Variants in EFNB2 observed in about 807,000 individuals in gnomAD.
EFNB2 encodes ephrin B2, also known as ephrin-B2.
In EFNB2, 5 loss-of-function variants were observed where a neutral mutation model predicts 32.1. The observed-to-expected ratio is 0.16, with a 90% CI of 0.08 to 0.33. The LOEUF (loss-of-function observed/expected upper bound fraction) is 0.33. Among genes scored for constraint, EFNB2 ranks in the 10% least tolerant of loss-of-function variants. The pLI, the probability that EFNB2 is intolerant of heterozygous loss-of-function variation, is 1.00. For missense variants in EFNB2, 263 were observed against 422.6 expected, an observed-to-expected ratio of 0.62 and a Z score of 3.31; for synonymous variants, 168 against 166.5, an observed-to-expected ratio of 1.01 and a Z score of -0.07.
At position 106,512,671 on chromosome 13, in the gene EFNB2, T is replaced by C; in HGVS notation, c.264A>G (p.Arg88=). Residue 88 remains arginine, a synonymous_variant, in exon 2 of 5, where the codon AGA becomes AGG. Coordinates refer to ENST00000646441, the MANE Select transcript of EFNB2 (RefSeq NM_004093.4). ...GGGTATTTTCCTTCTTAATAGTGCA[T>C]CTGTCTGCTTGGTCTTTATCAACCA... is the stretch of plus-strand genomic sequence containing the variant. ...VYMVDKDQAD[R]CTIKKENTPL... 6.2e-7 allele frequency: 1 copy of C among 1,613,940 alleles called. No individual in the cohort carries two copies. Among genetic ancestry groups the C allele is most frequent in the Non-Finnish European group, 8.5e-7 (1 of 1,179,942 alleles).
chr13:106,515,825 C>G (rs1428955040), intron 1 of EFNB2, among the ~76,000 whole-genome samples: 2 of 152,152 alleles, frequency 1.3e-5, no homozygotes, highest in Admixed American at 1.3e-4. Flanking sequence ...CCCGGGAACT[C>G]TCACACTTCC....
At chr13:106,505,067 G>T (rs1395534231) in intron 2 of EFNB2, among the ~76,000 whole-genome samples, 1 of 152,074 alleles carries the variant, frequency 6.6e-6, no homozygotes, top group Non-Finnish European at 1.5e-5. Flanking sequence ...GATTTTCTTA[G>T]TTCAACTTTG....
chr13:106,492,791 C>T lies in EFNB2; in HGVS notation c.*249G>A, dbSNP rs1181610469. The T allele has an allele frequency of 2.2e-6, 1 of 460,036 alleles. No homozygotes were observed. Among genetic ancestry groups the T allele is most frequent in the East Asian group, 3.3e-5 (1 of 29,926 alleles). The allele number at this position is 460,036 out of a possible 1,614,324, so 28.5% of individuals were successfully genotyped here. A position where few individuals can be genotyped will look rare whatever the true frequency, so the allele number is the denominator to read the frequency against. On this transcript the variant is annotated 3_prime_UTR_variant, in exon 5 of 5. Transcript: ENST00000646441. This position sits in a 1 kb window ranked among gnomAD's most constrained non-coding sequence, Gnocchi z 5.1. ...TTCGAGGAGGAGACGTGGGACGCGG[C>T]ACAGCAGTCCGAATGGGCGTCTTCT...
chr13:106,500,830 T>C (rs1313173199), intron 2 of EFNB2, among the ~76,000 whole-genome samples: 2 of 152,216 alleles, frequency 1.3e-5, no homozygotes, highest in Non-Finnish European at 2.9e-5. Flanking sequence ...AAGACTGTTA[T>C]CTTGGCAAAC....
intron 2 of EFNB2, among the ~76,000 whole-genome samples, chr13:106,499,437 A>G (rs545592547): frequency 2.0e-5 from 3 of 152,204 alleles, no homozygotes; most frequent in Non-Finnish European, 4.4e-5. Flanking sequence ...AATGCTTGGG[A>G]AAAAAAATCT....
intron 1 of EFNB2, among the ~76,000 whole-genome samples, chr13:106,513,130 T>C (rs1284199345): frequency 1.3e-5 from 2 of 152,204 alleles, no homozygotes; most frequent in Admixed American, 6.5e-5. Flanking sequence ...ACCATAACTC[T>C]TCCTCCGTGG....
At chr13:106,497,688 C>T (rs1878637587) in intron 2 of EFNB2, among the ~76,000 whole-genome samples, 1 of 152,090 alleles carries the variant, frequency 6.6e-6, no homozygotes, top group Admixed American at 6.6e-5. Flanking sequence ...TATCCCTCCC[C>T]CAGTCCCCCA....
At chr13:106,510,529 G>A (rs1222290507) in intron 2 of EFNB2, among the ~76,000 whole-genome samples, 2 of 152,164 alleles carry the variant, frequency 1.3e-5, no homozygotes, top group Non-Finnish European at 2.9e-5. Flanking sequence ...CTGCATCCAC[G>A]CATTAGGGAC....
intron 1 of EFNB2, among the ~76,000 whole-genome samples, chr13:106,532,482 G>A (rs1879909941): frequency 6.6e-6 from 1 of 151,998 alleles, no homozygotes; most frequent in Admixed American, 6.5e-5. Flanking sequence ...CTTTCCTCTG[G>A]AAATAAATAT....
chr13:106,509,744 A>C (rs989892468), intron 2 of EFNB2: 3 of 151,810 alleles, frequency 2.0e-5, no homozygotes, highest in Non-Finnish European at 2.9e-5. Context: ...ACTTATGCAG[A>C]AGCAATACAA....
intron 2 of EFNB2, among the ~76,000 whole-genome samples, chr13:106,501,196 G>A (rs1287140458): frequency 2.0e-5 from 3 of 151,986 alleles, no homozygotes; most frequent in Non-Finnish European, 4.4e-5. Context: ...TAACTTAGAA[G>A]AAAAGTTCTA....
chr13:106,502,099 G>GA (rs1878803183), intron 2 of EFNB2, among the ~76,000 whole-genome samples: 1 of 152,130 alleles, frequency 6.6e-6, no homozygotes, highest in African/African-American at 2.4e-5. Context: ...ATGATAGGAA[G>GA]AATCACTTGA....
At chr13:106,494,018 G>A (rs1035146127) in intron 4 of EFNB2, among the ~76,000 whole-genome samples, 9 of 152,190 alleles carry the variant, frequency 5.9e-5, no homozygotes, top group African/African-American at 1.9e-4. Context: ...CTCTCACACC[G>A]AACAGACTGC....
intron 1 of EFNB2, among the ~76,000 whole-genome samples, chr13:106,533,516 A>G (rs1879953565): frequency 6.6e-6 from 1 of 152,260 alleles, no homozygotes; most frequent in Non-Finnish European, 1.5e-5. Flanking sequence ...TTCTAGCATC[A>G]TACAAACATT....
At position 106,535,192 on chromosome 13, in the gene EFNB2, C is replaced by T; in HGVS notation, c.-228G>A. The T allele has an allele frequency of 5.4e-6, 1 of 186,762 alleles. No homozygotes were observed. Among genetic ancestry groups the T allele is most frequent in the Non-Finnish European group, 9.9e-6 (1 of 101,152 alleles). 11.6% of individuals were successfully genotyped at this position (186,762 alleles called of 1,614,324 possible). ...GCACGCGCGGGGCGCGGCGGCGCGG[C>T]GGACTCGGGGTTCCGGGGCGCCGCG... On this transcript the variant is annotated 5_prime_UTR_variant, in exon 1 of 5. Coordinates refer to ENST00000646441, the MANE Select transcript of EFNB2 (RefSeq NM_004093.4).
At chr13:106,517,543 C>T (rs1479619349) in intron 1 of EFNB2, 1 of 152,218 alleles carries the variant, frequency 6.6e-6, no homozygotes, top group Non-Finnish European at 1.5e-5. Flanking sequence ...GCTGCCTCTT[C>T]CTTTCCATCA....
rs1166861348 is a variant in EFNB2, at chr13:106,491,270, C to G, written c.*1770G>C. ...GGCTTCCTGCTCTGTGGGGCTCGTA[C>G]TTCCTAGTCTACGGTTCCGTGAGAT... On this transcript the variant is annotated 3_prime_UTR_variant, in exon 5 of 5. Coordinates refer to ENST00000646441, the MANE Select transcript of EFNB2 (RefSeq NM_004093.4). 1 of 152,648 alleles carries G rather than the reference C, an allele frequency of 6.6e-6. No homozygotes were observed. The highest frequency in any genetic ancestry group is 2.4e-5 in the African/African-American group (1 of 41,456). The allele number at this position is 152,648 out of a possible 1,614,324, so 9.5% of individuals were successfully genotyped here. A position where few individuals can be genotyped will look rare whatever the true frequency, so the allele number is the denominator to read the frequency against.
chr13:106,523,004 C>T (rs1322471749), intron 1 of EFNB2, among the ~76,000 whole-genome samples: 1 of 152,186 alleles, frequency 6.6e-6, no homozygotes, highest in Non-Finnish European at 1.5e-5. Context: ...GTATAATCAG[C>T]CCAGTAACAC....
intron 1 of EFNB2, among the ~76,000 whole-genome samples, chr13:106,531,865 T>A (rs935303823): frequency 1.3e-5 from 2 of 152,118 alleles, no homozygotes; most frequent in African/African-American, 4.8e-5. Flanking sequence ...TACTCGAAAT[T>A]TTCAAAGTCA....
Sources: gnomAD v4.1 joint callset for allele counts (sites outside exome capture counted in the v4.1 genomes callset) on GRCh38, gnomAD v4.1.1 for gene constraint, Gnocchi (gnomAD v3.1) non-coding constraint, MANE v1.5 for transcripts, NCBI Gene and HGNC (gene_info 2026-07-23, HGNC 2026-07-21) for gene names.